SPOCK3: variants seen among roughly 807,000 people sequenced by gnomAD.
The protein encoded by SPOCK3 is SPARC (osteonectin), cwcv and kazal like domains proteoglycan 3.
In SPOCK3, 30 loss-of-function variants were observed where a neutral mutation model predicts 56.6. The ratio of observed to expected loss-of-function variants is 0.53; its 90% CI spans 0.40 to 0.72. The LOEUF is 0.72. SPOCK3 is among the 30% of genes least tolerant of loss of function. The pLI is 0.00. For missense variants in SPOCK3, 527 were observed against 530.0 expected (o/e 0.99, Z 0.06); for synonymous variants, 196 against 183.3 (o/e 1.07, Z -0.56).
At chr4:166,992,726 T>C (rs2150114282) in intron 4 of SPOCK3, among the ~76,000 whole-genome samples, 1 of 82,780 alleles carries the variant, frequency 1.2e-5, no homozygotes, top group Admixed American at 1.7e-4. Context: ...TTCATTAATA[T>C]CCAATTTTTT....
At chr4:167,119,297 A>G (rs530286014) in intron 2 of SPOCK3, among the ~76,000 whole-genome samples, 7 of 152,156 alleles carry the variant, frequency 4.6e-5, no homozygotes, top group Non-Finnish European at 8.8e-5. Context: ...AATCTCTCAC[A>G]TAGAGGGTGT....
At chr4:166,742,410 A>C (rs1007500528) in intron 8 of SPOCK3, among the ~76,000 whole-genome samples, 2 of 152,174 alleles carry the variant, frequency 1.3e-5, no homozygotes, top group African/African-American at 4.8e-5. Context: ...GATGAAAAAT[A>C]CTTCTTATCA....
intron 2 of SPOCK3, among the ~76,000 whole-genome samples, chr4:167,218,372 G>A (rs907097940): frequency 6.6e-5 from 10 of 152,072 alleles, no homozygotes. Context: ...TCACCTTTGA[G>A]GCTGATGCCA....
intron 7 of SPOCK3, among the ~76,000 whole-genome samples, chr4:166,787,710 G>A (rs1740884241): frequency 6.6e-6 from 1 of 152,014 alleles, no homozygotes; most frequent in Admixed American, 6.6e-5. Flanking sequence ...TAAAAAGACT[G>A]GCGAAAATGA....
At chr4:166,788,579 A>G (rs1297658947) in intron 7 of SPOCK3, among the ~76,000 whole-genome samples, 1 of 151,774 alleles carries the variant, frequency 6.6e-6, no homozygotes, top group Non-Finnish European at 1.5e-5. Flanking sequence ...TTAAAAATGT[A>G]TAAAATTTAT....
intron 2 of SPOCK3, among the ~76,000 whole-genome samples, chr4:167,199,575 T>TC (rs1261501202): frequency 6.6e-6 from 1 of 151,946 alleles, no homozygotes; most frequent in Non-Finnish European, 1.5e-5. Flanking sequence ...CTTCTTCCTC[T>TC]ACTCAGTTCT....
chr4:167,183,785 G>T (rs1235371827), intron 2 of SPOCK3, among the ~76,000 whole-genome samples: 1 of 152,086 alleles, frequency 6.6e-6, no homozygotes, highest in African/African-American at 2.4e-5. Context: ...TTGTCTAAAA[G>T]ACTATGAGAA....
intron 2 of SPOCK3, among the ~76,000 whole-genome samples, chr4:167,075,999 T>C (rs1476219919): frequency 1.3e-5 from 2 of 151,872 alleles, no homozygotes; most frequent in Non-Finnish European, 2.9e-5. Context: ...TAAAATACAT[T>C]GAGGGAAATA....
intron 4 of SPOCK3, among the ~76,000 whole-genome samples, chr4:166,964,927 C>T (rs1425751834): frequency 6.6e-6 from 1 of 151,684 alleles, no homozygotes; most frequent in East Asian, 1.9e-4. Context: ...GGAATGTGAA[C>T]AACTGTAAAG....
At chr4:166,825,047 G>A (rs1288129399) in intron 6 of SPOCK3, among the ~76,000 whole-genome samples, 1 of 152,010 alleles carries the variant, frequency 6.6e-6, no homozygotes, top group Non-Finnish European at 1.5e-5. Flanking sequence ...CATTTATTCA[G>A]ACATTATGTT....
intron 3 of SPOCK3, among the ~76,000 whole-genome samples, chr4:167,035,669 C>G (rs1752685246): frequency 6.6e-6 from 1 of 152,168 alleles, no homozygotes. Context: ...GTTTCCCTGT[C>G]TTTTTCCCTA....
chr4:166,921,433 C>T (rs1448994896), intron 4 of SPOCK3, among the ~76,000 whole-genome samples: 10 of 151,948 alleles, frequency 6.6e-5, no homozygotes, highest in Non-Finnish European at 1.5e-5. Flanking sequence ...ATTCTCTTGC[C>T]TCAGCCTGCT....
At chr4:167,061,138 A>G (rs1755564159) in intron 3 of SPOCK3, among the ~76,000 whole-genome samples, 1 of 152,022 alleles carries the variant, frequency 6.6e-6, no homozygotes, top group African/African-American at 2.4e-5. Context: ...TTGCAATTCA[A>G]CACATTGTCA....
chr4:166,845,152 ATT>A (rs1747925037), intron 6 of SPOCK3, among the ~76,000 whole-genome samples: 1 of 152,354 alleles, frequency 6.6e-6, no homozygotes, highest in Admixed American at 6.5e-5. Flanking sequence ...ACATTAAATA[ATT>A]TATGAATCTT....
intron 7 of SPOCK3, among the ~76,000 whole-genome samples, chr4:166,765,424 C>G (rs1441102015): frequency 6.6e-6 from 1 of 152,184 alleles, no homozygotes; most frequent in Non-Finnish European, 1.5e-5. Context: ...GTTTTCCCAG[C>G]ACCATTTATT....
chr4:167,139,032 A>T (rs1763327699), intron 2 of SPOCK3, among the ~76,000 whole-genome samples: 1 of 151,958 alleles, frequency 6.6e-6, no homozygotes, highest in Admixed American at 6.6e-5. Flanking sequence ...ACCATGAAAA[A>T]TTTCACTTAA....
intron 3 of SPOCK3, among the ~76,000 whole-genome samples, chr4:167,047,388 T>C (rs1753829091): frequency 1.3e-5 from 2 of 152,230 alleles, no homozygotes. Context: ...CTGATGAGGC[T>C]AGACATATAA....
intron 4 of SPOCK3, among the ~76,000 whole-genome samples, chr4:166,988,496 G>A (rs1025196299): frequency 3.9e-5 from 6 of 151,996 alleles, no homozygotes; most frequent in African/African-American, 1.2e-4. Context: ...AATGTGAATG[G>A]TCTAGTTGAG....
At chr4:166,857,353 C>T (rs940409303) in intron 6 of SPOCK3, among the ~76,000 whole-genome samples, 2 of 152,098 alleles carry the variant, frequency 1.3e-5, no homozygotes, top group Non-Finnish European at 2.9e-5. Context: ...GGTGTAGAGG[C>T]CTGTACCAAA....
Sources: gnomAD v4.1 joint callset for allele counts (sites outside exome capture counted in the v4.1 genomes callset) on GRCh38, gnomAD v4.1.1 for gene constraint, MANE v1.5 for transcripts, NCBI Gene and HGNC (gene_info 2026-07-23, HGNC 2026-07-21) for gene names.